Variants in FOXP2 observed in about 807,000 individuals in gnomAD.
FOXP2 encodes forkhead box protein P2.
A neutral mutation model predicts 115.8 loss-of-function variants in FOXP2; 12 were observed. The ratio of observed to expected loss-of-function variants is 0.10; its 90% CI spans 0.07 to 0.17. FOXP2 has a LOEUF of 0.17. Among genes scored for constraint, FOXP2 ranks in the 10% least tolerant of loss-of-function variants. The probability of loss-of-function intolerance (pLI) is 1.00; values close to 1 mark genes in which losing one functional copy is unlikely to be tolerated. For synonymous variants in FOXP2, 328 were observed against 297.7 expected (o/e 1.10, Z -1.05); for missense variants, 629 against 843.5 (o/e 0.75, Z 3.15).
intron 2 of FOXP2, among the ~76,000 whole-genome samples, chr7:114,501,666 C>T (rs1403908295): frequency 6.6e-6 from 1 of 151,924 alleles, no homozygotes; most frequent in Non-Finnish European, 1.5e-5. Flanking sequence ...GAAAATATAT[C>T]CAGTTACATT....
intron 1 of FOXP2, among the ~76,000 whole-genome samples, chr7:114,178,192 A>G (rs1434688660): frequency 4.6e-5 from 7 of 151,874 alleles, no homozygotes; most frequent in African/African-American, 1.7e-4. Context: ...AGCTTCCATT[A>G]TTATTTTCTC....
At chr7:114,212,521 A>G (rs1584549445) in intron 1 of FOXP2, among the ~76,000 whole-genome samples, 2 of 152,034 alleles carry the variant, frequency 1.3e-5, no homozygotes, top group East Asian at 3.9e-4. Flanking sequence ...GAAAATCTAG[A>G]TATTTTGACC....
intron 10 of FOXP2, among the ~76,000 whole-genome samples, chr7:114,655,040 A>G (rs1563062619): frequency 6.6e-6 from 1 of 152,114 alleles, no homozygotes; most frequent in African/African-American, 2.4e-5. Context: ...CTGTAAAAAC[A>G]TTTTTATAGG....
intron 1 of FOXP2, among the ~76,000 whole-genome samples, chr7:114,171,794 G>T (rs2129153021): frequency 6.6e-6 from 1 of 152,270 alleles, no homozygotes. Flanking sequence ...AAAGTCAATT[G>T]AAAACCTTCT....
intron 3 of FOXP2, among the ~76,000 whole-genome samples, chr7:114,548,378 T>C (rs1232300200): frequency 6.6e-6 from 1 of 152,176 alleles, no homozygotes; most frequent in Non-Finnish European, 1.5e-5. Flanking sequence ...TGAACAAAGT[T>C]GGGGCTCTTT....
intron 1 of FOXP2, among the ~76,000 whole-genome samples, chr7:114,243,137 G>A (rs1795195425): frequency 1.3e-5 from 2 of 152,090 alleles, no homozygotes; most frequent in East Asian, 3.9e-4. Flanking sequence ...TGTGCTAGGT[G>A]TGACTAAGAC....
chr7:114,193,941 A>T (rs1211729094), intron 1 of FOXP2, among the ~76,000 whole-genome samples: 2 of 152,122 alleles, frequency 1.3e-5, no homozygotes, highest in African/African-American at 4.8e-5. Flanking sequence ...GAGAGATGCA[A>T]TGTGGGATAG....
intron 2 of FOXP2, among the ~76,000 whole-genome samples, chr7:114,325,718 A>C (rs750673197): frequency 1.3e-5 from 2 of 152,084 alleles, no homozygotes; most frequent in Non-Finnish European, 2.9e-5. Context: ...ATAGGAATGG[A>C]TCACAGAAAT....
intron 2 of FOXP2, among the ~76,000 whole-genome samples, chr7:114,395,209 G>A (rs1474972434): frequency 6.6e-6 from 1 of 152,144 alleles, no homozygotes; most frequent in African/African-American, 2.4e-5. Context: ...CATTTGTTGA[G>A]TGTTTATAAT....
chr7:114,533,091 A>G (rs1799217248), intron 2 of FOXP2, among the ~76,000 whole-genome samples: 2 of 151,992 alleles, frequency 1.3e-5, no homozygotes, highest in Admixed American at 1.3e-4. Context: ...GTTAATTTGT[A>G]ATTACTTGAA....
intron 2 of FOXP2, among the ~76,000 whole-genome samples, chr7:114,327,073 G>A (rs1424642740): frequency 6.6e-6 from 1 of 152,146 alleles, no homozygotes; most frequent in East Asian, 1.9e-4. Context: ...CTTCTGAATT[G>A]CAGACCTGAT....
chr7:114,608,487 T>C (rs1803454084), intron 3 of FOXP2, among the ~76,000 whole-genome samples: 2 of 152,184 alleles, frequency 1.3e-5, no homozygotes, highest in South Asian at 2.1e-4. Context: ...TCTTGTATAA[T>C]AAAAAGTGAT....
intron 1 of FOXP2, among the ~76,000 whole-genome samples, chr7:114,112,189 A>T (rs952707191): frequency 2.0e-5 from 3 of 152,156 alleles, no homozygotes; most frequent in Admixed American, 2.0e-4. Context: ...CTTGAAACAC[A>T]AACCTGAGGA....
chr7:114,510,239 G>C (rs1483543981), intron 2 of FOXP2, among the ~76,000 whole-genome samples: 4 of 152,138 alleles, frequency 2.6e-5, no homozygotes, highest in African/African-American at 9.7e-5. Flanking sequence ...TAATTGAGCT[G>C]TCCTGATTGC....
At chr7:114,171,525 T>C (rs949789725) in intron 1 of FOXP2, among the ~76,000 whole-genome samples, 1 of 152,122 alleles carries the variant, frequency 6.6e-6, no homozygotes, top group African/African-American at 2.4e-5. Context: ...GTTGAGCTAT[T>C]ATTGTACTAC....
At chr7:114,660,486 G>A (rs1563065885) in intron 13 of FOXP2, among the ~76,000 whole-genome samples, 1 of 152,140 alleles carries the variant, frequency 6.6e-6, no homozygotes, top group Non-Finnish European at 1.5e-5. Context: ...ATTTTAGACT[G>A]TGAGATATGC....
At chr7:114,409,539 A>T (rs138462974), upstream of FOXP2, among the ~76,000 whole-genome samples, 1 of 152,268 alleles carries the variant, frequency 6.6e-6, no homozygotes, top group East Asian at 1.9e-4. Context: ...CATCTTATTG[A>T]ATCTTTTTCC....
intron 2 of FOXP2, among the ~76,000 whole-genome samples, chr7:114,469,342 C>A (rs1489592526): frequency 2.0e-5 from 3 of 152,172 alleles, no homozygotes; most frequent in Non-Finnish European, 4.4e-5. Flanking sequence ...GTAAGGGTTA[C>A]CAGCTGAAAA....
chr7:114,252,947 T>C (rs1299955991), intron 1 of FOXP2, among the ~76,000 whole-genome samples: 1 of 152,210 alleles, frequency 6.6e-6, no homozygotes, highest in Non-Finnish European at 1.5e-5. Context: ...TAAATTTCCC[T>C]CTACACACTG....
Sources: gnomAD v4.1 joint callset for allele counts (sites outside exome capture counted in the v4.1 genomes callset) on GRCh38, gnomAD v4.1.1 for gene constraint, MANE v1.5 for transcripts, NCBI Gene and HGNC (gene_info 2026-07-23, HGNC 2026-07-21) for gene names.